CA8: variants seen among roughly 807,000 people sequenced by gnomAD.
CA8 encodes the protein carbonic anhydrase 8 (inactive), also known as carbonic anhydrase-related protein.
A neutral mutation model predicts 41.4 loss-of-function variants in CA8; 22 were observed. The observed-to-expected ratio is 0.53, with a 90% CI of 0.38 to 0.76. The LOEUF (loss-of-function observed/expected upper bound fraction) is 0.76, where lower values mean the gene tolerates loss of function less well. Among genes scored for constraint, CA8 ranks in the 30% least tolerant of loss-of-function variants. The pLI is 0.00. For missense variants in CA8, 270 were observed against 352.8 expected, an observed-to-expected ratio of 0.77 and a Z score of 1.88; for synonymous variants, 121 against 130.6, an observed-to-expected ratio of 0.93 and a Z score of 0.50.
intron 8 of CA8, among the ~76,000 whole-genome samples, chr8:60,204,534 G>A (rs192698189): frequency 5.3e-5 from 8 of 152,290 alleles, no homozygotes; most frequent in Admixed American, 3.9e-4. Context: ...CTTGAAGAGA[G>A]CTCATACAGC....
chr8:60,260,029 T>C (rs1307243447), intron 3 of CA8, among the ~76,000 whole-genome samples: 1 of 152,232 alleles, frequency 6.6e-6, no homozygotes, highest in Non-Finnish European at 1.5e-5. Context: ...AATACAAACC[T>C]TTCTTTTTAC....
chr8:60,221,339 G>T (rs992869637), intron 7 of CA8, among the ~76,000 whole-genome samples: 6 of 152,172 alleles, frequency 3.9e-5, no homozygotes, highest in African/African-American at 1.2e-4. Context: ...TGAAATTTTT[G>T]AGAGTAAAGA....
intron 3 of CA8, 187 bp from the exon 4 acceptor site, chr8:60,232,566 A>T: frequency 1.5e-6 from 1 of 652,650 alleles, no homozygotes; most frequent in Admixed American, 2.1e-5. Flanking sequence ...ATTTCTGAAC[A>T]GAAGCAGTGC....
At position 60,236,816 on chromosome 8, in the gene CA8, C is replaced by T. The variant is rs529352133; in HGVS notation, c.418-4437G>A. ...AACAAATACATATATTATGGATACA[C>T]GCTCCAAAGTTTGTTCTAATGCAGT... On this transcript the variant is annotated intron_variant, in intron 3 of 8. Transcript: ENST00000317995. 1.4e-4 allele frequency among the ~76,000 whole-genome samples: 21 copies of T among 152,246 alleles called. No homozygotes were observed. The East Asian group carries it at 2.5e-3, about 18-fold the overall frequency.
At chr8:60,194,588 C>T (rs1050355360) in intron 8 of CA8, among the ~76,000 whole-genome samples, 1 of 152,152 alleles carries the variant, frequency 6.6e-6, no homozygotes, top group Non-Finnish European at 1.5e-5. Flanking sequence ...TATCTCCAGT[C>T]CACCAAGGCT....
rs1264604680 is a variant in CA8 at position 60,265,866 on chromosome 8, A to G, written c.417+59T>C. 1.9e-6 allele frequency: 3 copies of G among 1,556,786 alleles called. No homozygotes were observed. In the South Asian group the frequency reaches 3.4e-5, roughly 17 times the overall value. On this transcript the variant is annotated intron_variant, in intron 3 of 8. Transcript: ENST00000317995. ...CTTTTAAACTAAATCATTTTCAGTA[A>G]ATCGCTGAATACTTTATTCAGAAAA...
intron 2 of CA8, among the ~76,000 whole-genome samples, chr8:60,276,129 G>A (rs35552143): frequency 0.38 from 58,240 of 152,024 alleles, 11,254 homozygotes; most frequent in South Asian, 0.41. Context: ...GAAATTCCCT[G>A]AGATGACGGA....
Position 60,279,751 on chromosome 8 carries a change from C to T in CA8, c.230G>A (p.Cys77Tyr), listed in dbSNP as rs776839353. ...DVRLSPNYVVCRDCEVTNDGH... is the reference protein window; with the variant it reads ...DVRLSPNYVVYRDCEVTNDGH... The stretch of plus-strand genomic sequence containing the variant: ...ATCATTGGTGACTTCACAGTCTCGG[C>T]ACACCACATAATTTGGGGAGAGGCG... The change falls in exon 2 of 9, where the codon TGC becomes TAC. Residue 77 changes from cysteine (C) to tyrosine (Y), a missense_variant. Transcript: ENST00000317995. 2.5e-6 allele frequency: 4 copies of T among 1,614,056 alleles called. No homozygotes were observed. Among genetic ancestry groups the T allele is most frequent in the Non-Finnish European group, 3.4e-6 (4 of 1,180,042 alleles).
intron 4 of CA8, among the ~76,000 whole-genome samples, chr8:60,227,933 G>C (rs980366758): frequency 1.3e-5 from 2 of 152,178 alleles, no homozygotes; most frequent in African/African-American, 4.8e-5. Context: ...ATTTCCAGTG[G>C]TCCATGATAA....
intron 3 of CA8, among the ~76,000 whole-genome samples, chr8:60,251,111 G>A (rs1281310961): frequency 6.6e-6 from 1 of 152,210 alleles, no homozygotes; most frequent in African/African-American, 2.4e-5. Flanking sequence ...GGAAAGTTTA[G>A]GTTGGCCTCA....
chr8:60,190,566 T>C (rs1409469689), intron 8 of CA8, among the ~76,000 whole-genome samples: 1 of 149,462 alleles, frequency 6.7e-6, no homozygotes, highest in Non-Finnish European at 1.5e-5. Context: ...GATACTGAAC[T>C]TTTTGATGTT....
chr8:60,257,413 G>A (rs1408733553), intron 3 of CA8, among the ~76,000 whole-genome samples: 1 of 152,194 alleles, frequency 6.6e-6, no homozygotes, highest in African/African-American at 2.4e-5. Flanking sequence ...GCTGACCTCT[G>A]AGCTAATGTC....
intron 7 of CA8, among the ~76,000 whole-genome samples, chr8:60,210,731 C>T (rs1443127089): frequency 6.6e-6 from 1 of 151,826 alleles, no homozygotes; most frequent in African/African-American, 2.4e-5. Context: ...CTGGGATTGT[C>T]CTGTTTAGTT....
chr8:60,223,642 A>G (rs1807325265), intron 6 of CA8, among the ~76,000 whole-genome samples: 1 of 152,228 alleles, frequency 6.6e-6, no homozygotes, highest in South Asian at 2.1e-4. Flanking sequence ...CTGCAACAGC[A>G]AAATACTAAA....
chr8:60,220,883 C>T (rs1450161432), intron 7 of CA8, among the ~76,000 whole-genome samples: 2 of 152,148 alleles, frequency 1.3e-5, no homozygotes, highest in Admixed American at 1.3e-4. Context: ...CTGTTGAGAT[C>T]CTTCGCCCTA....
At chr8:60,194,895 T>A (rs976071760) in intron 8 of CA8, among the ~76,000 whole-genome samples, 4 of 152,210 alleles carry the variant, frequency 2.6e-5, no homozygotes, top group Non-Finnish European at 5.9e-5. Context: ...CAGTCTGTGG[T>A]GGAAACAAAA....
intron 2 of CA8, among the ~76,000 whole-genome samples, chr8:60,267,006 A>ATTGTCCTTT (rs1361913890): frequency 2.6e-5 from 4 of 152,192 alleles, no homozygotes; most frequent in African/African-American, 9.7e-5. Context: ...TTTGAAACAG[A>ATTGTCCTTT]TTGTCCTTTT....
At chr8:60,280,191 G>T (rs1021578808) in intron 1 of CA8, among the ~76,000 whole-genome samples, 1 of 152,196 alleles carries the variant, frequency 6.6e-6, no homozygotes, top group African/African-American at 2.4e-5. Context: ...AAGAATACCA[G>T]AACAATTTCT....
intron 3 of CA8, among the ~76,000 whole-genome samples, chr8:60,243,745 C>G (rs1337815543): frequency 6.6e-6 from 1 of 152,200 alleles, no homozygotes; most frequent in African/African-American, 2.4e-5. Context: ...CTCACACTGC[C>G]CCTTCCCCTG....
Sources: gnomAD v4.1 joint callset for allele counts (sites outside exome capture counted in the v4.1 genomes callset) on GRCh38, gnomAD v4.1.1 for gene constraint, MANE v1.5 for transcripts, NCBI Gene and HGNC (gene_info 2026-07-23, HGNC 2026-07-21) for gene names.